Variants in MOSPD2 observed in about 807,000 individuals in gnomAD.
MOSPD2 encodes motile sperm domain containing 2.
Under a neutral mutation model 41.7 loss-of-function variants are expected in MOSPD2, and 5 were observed. The observed-to-expected ratio is 0.12, with a 90% CI of 0.06 to 0.25. The LOEUF is 0.25. MOSPD2 is among the 10% of genes least tolerant of loss of function. The probability of loss-of-function intolerance (pLI) is 1.00; values close to 1 mark genes in which losing one functional copy is unlikely to be tolerated. For synonymous variants in MOSPD2, 115 were observed against 126.9 expected (o/e 0.91, Z 0.63); for missense variants, 282 against 375.2 (o/e 0.75, Z 2.05).
intron 13 of MOSPD2, among the ~76,000 whole-genome samples, chrX:14,917,470 T>C (rs2092602439): frequency 9.0e-6 from 1 of 111,605 alleles, no homozygotes; most frequent in East Asian, 2.8e-4. Context: ...GGAAAAACTA[T>C]TAGTTGGCAC....
rs1388341117 is a variant in MOSPD2 at position 14,904,027 on chromosome X, G to A, written c.577+1023G>A. ...GTAATCAAAAAAAACTTCCCACGAAGAAAAGCCCAGGCCCAGATGGCTTCA... is the reference window on the plus strand; with the variant it reads ...GTAATCAAAAAAAACTTCCCACGAAAAAAAGCCCAGGCCCAGATGGCTTCA... On this transcript the variant is annotated intron_variant, in intron 7 of 14. Transcript: ENST00000380492. Among the ~76,000 whole-genome samples the A allele has an allele frequency of 2.7e-5, 3 of 111,815 alleles. No individual in the cohort carries two copies. In the Admixed American group the frequency reaches 2.9e-4, roughly 11 times the overall value.
intron 7 of MOSPD2, among the ~76,000 whole-genome samples, chrX:14,906,773 C>T (rs1448449283): frequency 8.9e-6 from 1 of 111,882 alleles, no homozygotes; most frequent in African/African-American, 3.2e-5. Context: ...GCCTGTAATC[C>T]TAGCACTTTG....
At position 14,900,485 on chromosome X, in the gene MOSPD2, C is replaced by T. The variant is rs755251404; in HGVS notation, c.478-90C>T. On this transcript the variant is annotated intron_variant, in intron 5 of 14. Transcript: ENST00000380492. The stretch of plus-strand genomic sequence containing the variant: ...TTTTTAAAGAATTTAATAATTGTCT[C>T]ACTTGTATTTAATAATTTATCACCT... 4.1e-5 allele frequency: 16 copies of T among 389,001 alleles called. No individual in the cohort carries two copies. The East Asian group carries it at 6.0e-4, about 15-fold the overall frequency. 32.1% of individuals were successfully genotyped at this position (389,001 alleles called of 1,213,427 possible).
chrX:14,898,600 T>A (rs1341984311), intron 5 of MOSPD2, among the ~76,000 whole-genome samples: 2 of 112,081 alleles, frequency 1.8e-5, no homozygotes, highest in African/African-American at 6.5e-5. Flanking sequence ...CAAAATCAAT[T>A]TGCCTAGATA....
chrX:14,902,910 T>G, intron 6 of MOSPD2, 56 bp from the exon 7 acceptor site: 4 of 876,737 alleles, frequency 4.6e-6, no homozygotes, highest in Non-Finnish European at 6.7e-6. Context: ...CTGGTATGAG[T>G]GATATTATTA....
In MOSPD2 at chrX:14,873,635, G is replaced by A. The variant is rs2092512160; in HGVS notation, c.10-54G>A. On this transcript the variant is annotated intron_variant, in intron 1 of 14. Transcript: ENST00000380492. Reference sequence around the variant, plus strand: ...CCGTGTGCAGGTGGGCTGGGTTGAGGGTAAGCGGGTTGATGCAAGTAGTAT... The same window carrying A: ...CCGTGTGCAGGTGGGCTGGGTTGAGAGTAAGCGGGTTGATGCAAGTAGTAT... The A allele has an allele frequency of 7.5e-6, 9 of 1,199,355 alleles. No individual in the cohort carries two copies. The South Asian group carries it at 8.8e-5, about 12-fold the overall frequency.
intron 1 of MOSPD2, 57 bp from the exon 2 acceptor site, chrX:14,873,632 G>A: frequency 3.3e-6 from 4 of 1,200,921 alleles, no homozygotes; most frequent in Non-Finnish European, 4.5e-6. Context: ...GGGCTGGGTT[G>A]AGGGTAAGCG....
At chrX:14,883,258 A>G (rs1190258781) in intron 2 of MOSPD2, among the ~76,000 whole-genome samples, 1 of 111,436 alleles carries the variant, frequency 9.0e-6, no homozygotes, top group Non-Finnish European at 1.9e-5. Context: ...GTTTTTAGTC[A>G]TTGTCATTTG....
rs745380415 is a variant in MOSPD2, at chrX:14,877,632, C to T, written c.79+3874C>T. On this transcript the variant is annotated intron_variant, in intron 2 of 14. Coordinates refer to ENST00000380492, the MANE Select transcript of MOSPD2 (RefSeq NM_152581.4). ...CTGGGATTACAGGCGTGAGCCACCA[C>T]GCCCGGCCTACAGTCTTTTTTCTAT... Among the ~76,000 whole-genome samples, 9 of 105,912 alleles carry T rather than the reference C, an allele frequency of 8.5e-5. No individual in the cohort carries two copies. In the East Asian group the frequency reaches 2.7e-3, roughly 32 times the overall value. 92.0% of individuals were successfully genotyped at this position (105,912 alleles called of 115,157 possible).
At chrX:14,887,559 C>T (rs1223755212) in intron 2 of MOSPD2, among the ~76,000 whole-genome samples, 1 of 111,587 alleles carries the variant, frequency 9.0e-6, no homozygotes, top group Non-Finnish European at 1.9e-5. Flanking sequence ...GAAATTTTCT[C>T]ACATTGTTAG....
At chrX:14,901,966 T>A (rs1447804786) in intron 6 of MOSPD2, among the ~76,000 whole-genome samples, 7 of 106,809 alleles carry the variant, frequency 6.6e-5, no homozygotes, top group Admixed American at 6.1e-4. Flanking sequence ...ACTAGAGATT[T>A]TATATATATA....
In MOSPD2 at chrX:14,873,754, G is replaced by C. The variant is rs776990936; in HGVS notation, c.75G>C (p.Val25=). The C allele has an allele frequency of 1.7e-6, 2 of 1,200,775 alleles. No individual in the cohort carries two copies. The highest frequency in any genetic ancestry group is 2.2e-5 in the Admixed American group (1 of 46,064). The change falls in exon 2 of 15, where the codon GTG becomes GTC. Residue 25 remains valine (V), a synonymous_variant. Coordinates refer to ENST00000380492, the MANE Select transcript of MOSPD2 (RefSeq NM_152581.4). ...GGAGGAGGTTCGAAGCTGAGTATGT[G>C]ACAGGTGGGTACTCTGTTCCAGGTA... ...ETRRRFEAEY[V]TDKSDKYDAR...
intron 11 of MOSPD2, 98 bp downstream of exon 11, chrX:14,914,697 G>A: frequency 2.0e-6 from 1 of 499,918 alleles, no homozygotes; most frequent in Admixed American, 4.5e-5. Context: ...TTTTGAACTT[G>A]TACAGTGTTT....
chrX:14,919,931 C>G lies in MOSPD2; in HGVS notation c.*122C>G. The G allele has an allele frequency of 8.3e-6, 9 of 1,088,146 alleles. No individual in the cohort carries two copies. Among genetic ancestry groups the G allele is most frequent in the Non-Finnish European group, 9.5e-6 (8 of 839,088 alleles). The allele number at this position is 1,088,146 out of a possible 1,213,427, so 89.7% of individuals were successfully genotyped here. On this transcript the variant is annotated 3_prime_UTR_variant, in exon 15 of 15. Coordinates refer to ENST00000380492, the MANE Select transcript of MOSPD2 (RefSeq NM_152581.4). ...TCTGTGCTTCCTAAAAGGAAATATG[C>G]AGCACGTGGAGGGGAACACATACAT...
intron 2 of MOSPD2, among the ~76,000 whole-genome samples, chrX:14,887,866 A>G (rs1311783582): frequency 1.5e-4 from 17 of 110,854 alleles, no homozygotes; most frequent in Non-Finnish European, 3.8e-5. Context: ...CACCATTGTC[A>G]TGTATCTTTA....
chrX:14,896,315 G>A lies in MOSPD2; in HGVS notation c.323-769G>A, dbSNP rs747064276. ...AACACACTACTGAACATCCATGCCTGTCCACTTGCTCACTTTCTGTATTGC... is the reference window on the plus strand; with the variant it reads ...AACACACTACTGAACATCCATGCCTATCCACTTGCTCACTTTCTGTATTGC... On this transcript the variant is annotated intron_variant, in intron 4 of 14. Transcript: ENST00000380492. Among the ~76,000 whole-genome samples, 7 of 111,074 alleles carry A rather than the reference G, an allele frequency of 6.3e-5. 1 individual carries two copies. In the South Asian group the frequency reaches 1.5e-3, roughly 24 times the overall value.
chrX:14,879,422 TATGGTGGC>T (rs771292909), intron 2 of MOSPD2, among the ~76,000 whole-genome samples: 237 of 111,741 alleles, frequency 2.1e-3, no homozygotes, highest in Non-Finnish European at 3.6e-3. Flanking sequence ...CTCACAAGCG[TATGGTGGC>T]ATTTTCCAGA....
rs1452674942 is a variant in MOSPD2, at chrX:14,920,881, AAAAAT to A, written c.*1077_*1081del. Reference sequence around the variant, plus strand: ...AGTATCTAGAAGGGTGAAAACAAAAAAAAATAAAAAGAAACACAGACGCCCAGGTG... The same window carrying A: ...AGTATCTAGAAGGGTGAAAACAAAAAAAAAAGAAACACAGACGCCCAGGTG... On this transcript the variant is annotated 3_prime_UTR_variant, in exon 15 of 15. Transcript: ENST00000380492. 111 of 752,340 alleles carry A rather than the reference AAAAAT, an allele frequency of 1.5e-4. No homozygotes were observed. The African/African-American group carries it at 2.5e-3, about 17-fold the overall frequency. The allele number at this position is 752,340 out of a possible 1,213,427, so 62.0% of individuals were successfully genotyped here.
At chrX:14,918,864 A>G in intron 14 of MOSPD2, 82 bp downstream of exon 14, 1 of 634,788 alleles carries the variant, frequency 1.6e-6, no homozygotes, top group South Asian at 2.5e-5. Context: ...ACGGACATAA[A>G]GAAAAACATT....
Sources: allele counts gnomAD v4.1 joint callset (sites outside exome capture counted in the v4.1 genomes callset), GRCh38; gene constraint gnomAD v4.1.1; transcripts MANE v1.5; gene names NCBI Gene and HGNC (gene_info 2026-07-23, HGNC 2026-07-21).